The following SPOCK1 variants were observed in gnomAD, a reference collection of about 807,000 sequenced individuals.
SPOCK1 encodes the protein SPARC (osteonectin), cwcv and kazal like domains proteoglycan 1, also known as testican-1.
A neutral mutation model predicts 55.3 loss-of-function variants in SPOCK1; 23 were observed. The observed-to-expected ratio is 0.42, with a 90% CI of 0.30 to 0.59. SPOCK1 has a LOEUF of 0.59. SPOCK1 is among the 20% of genes least tolerant of loss of function. SPOCK1 has a pLI of 0.22. For synonymous variants in SPOCK1, 226 were observed against 221.0 expected, an observed-to-expected ratio of 1.02 and a Z score of -0.20; for missense variants, 499 against 552.5, an observed-to-expected ratio of 0.90 and a Z score of 0.97.
chr5:137,072,845 A>C (rs1752645859), intron 5 of SPOCK1, among the ~76,000 whole-genome samples: 1 of 152,200 alleles, frequency 6.6e-6, no homozygotes, highest in Non-Finnish European at 1.5e-5. Context: ...AATTTTGTTC[A>C]CAGTTGATGA....
intron 2 of SPOCK1, among the ~76,000 whole-genome samples, chr5:137,284,141 G>C (rs76387683): frequency 6.6e-6 from 1 of 152,286 alleles, no homozygotes; most frequent in Non-Finnish European, 1.5e-5. Flanking sequence ...TAAGTAACCT[G>C]TTCCAGGTGA....
intron 5 of SPOCK1, among the ~76,000 whole-genome samples, chr5:137,111,933 CCT>C (rs1305681668): frequency 6.6e-6 from 1 of 152,028 alleles, no homozygotes; most frequent in Non-Finnish European, 1.5e-5. Context: ...TCTGTGAATC[CCT>C]GAGGCACCCC....
chr5:137,419,992 A>G (rs1045044472), intron 2 of SPOCK1, among the ~76,000 whole-genome samples: 2 of 152,156 alleles, frequency 1.3e-5, no homozygotes, highest in African/African-American at 4.8e-5. Context: ...ATTTATTAAG[A>G]GTTTTTAGCA....
chr5:137,158,994 A>G (rs1324376082), intron 3 of SPOCK1, among the ~76,000 whole-genome samples: 1 of 152,096 alleles, frequency 6.6e-6, no homozygotes, highest in Non-Finnish European at 1.5e-5. Context: ...CTAAATCCAA[A>G]TTCTCAGTCT....
chr5:137,008,331 A>ACACAC (rs760277889), intron 6 of SPOCK1, among the ~76,000 whole-genome samples: 4,870 of 74,610 alleles, frequency 0.065, 118 homozygotes, highest in Non-Finnish European at 0.11. Context: ...CACACACACA[A>ACACAC]TCAACACAGT....
At chr5:137,413,043 TAAA>T (rs964354505) in intron 2 of SPOCK1, among the ~76,000 whole-genome samples, 8 of 152,202 alleles carry the variant, frequency 5.3e-5, no homozygotes, top group African/African-American at 1.4e-4. Flanking sequence ...TATAAAATCT[TAAA>T]AGTAATTTTT....
intron 3 of SPOCK1, among the ~76,000 whole-genome samples, chr5:137,192,352 CAT>C (rs1014087161): frequency 2.0e-5 from 3 of 151,936 alleles, no homozygotes; most frequent in African/African-American, 7.3e-5. Context: ...GCCTCACACA[CAT>C]GAAAGCCTGG....
At chr5:137,141,244 CA>C (rs1444278815) in intron 3 of SPOCK1, among the ~76,000 whole-genome samples, 2 of 152,202 alleles carry the variant, frequency 1.3e-5, no homozygotes, top group African/African-American at 4.8e-5. Context: ...GGAGTTTCAG[CA>C]TCTTCAGCTC....
intron 6 of SPOCK1, among the ~76,000 whole-genome samples, chr5:137,061,199 G>A (rs1234742592): frequency 1.3e-5 from 2 of 152,168 alleles, no homozygotes; most frequent in Admixed American, 1.3e-4. Context: ...TGGATGCAAA[G>A]ATAAATCTCT....
In SPOCK1 at chr5:137,400,192, C is replaced by T. The variant is rs935183309; in HGVS notation, c.186+98181G>A. On this transcript the variant is annotated intron_variant, in intron 2 of 10. Coordinates refer to ENST00000394945, the MANE Select transcript of SPOCK1 (RefSeq NM_004598.4). Reference sequence around the variant, plus strand: ...CGATCACTGTAGCTTCTGGCCAGCTCGAGTGATCACCAGACCATAGTGTGG... The same window carrying T: ...CGATCACTGTAGCTTCTGGCCAGCTTGAGTGATCACCAGACCATAGTGTGG... 3.9e-5 allele frequency among the ~76,000 whole-genome samples: 6 copies of T among 152,100 alleles called. No individual in the cohort carries two copies. The South Asian group carries it at 1.0e-3, about 26-fold the overall frequency.
chr5:137,108,012 T>C (rs1753399131), intron 5 of SPOCK1, among the ~76,000 whole-genome samples: 2 of 152,238 alleles, frequency 1.3e-5, no homozygotes, highest in African/African-American at 4.8e-5. Flanking sequence ...ACATGCGTCA[T>C]GGTCTCATCT....
chr5:137,386,997 A>G (rs1358399215), intron 2 of SPOCK1, among the ~76,000 whole-genome samples: 1 of 152,266 alleles, frequency 6.6e-6, no homozygotes, highest in Non-Finnish European at 1.5e-5. Flanking sequence ...AAAATAAGTC[A>G]AAGACCTTAA....
At chr5:137,263,983 A>G (rs534020453) in intron 3 of SPOCK1, among the ~76,000 whole-genome samples, 1 of 152,280 alleles carries the variant, frequency 6.6e-6, no homozygotes, top group South Asian at 2.1e-4. Flanking sequence ...AAGTTCAGTA[A>G]ATATCTTTAA....
intron 9 of SPOCK1, 78 bp from the exon 10 acceptor site, chr5:136,979,547 G>A: frequency 6.5e-7 from 1 of 1,532,888 alleles, no homozygotes; most frequent in Non-Finnish European, 8.9e-7. Context: ...ACACAGGGAA[G>A]AGGGCTCACA....
At chr5:137,370,624 T>C (rs1580890380) in intron 2 of SPOCK1, among the ~76,000 whole-genome samples, 3 of 152,234 alleles carry the variant, frequency 2.0e-5, no homozygotes, top group African/African-American at 7.2e-5. Flanking sequence ...CAGTGACACA[T>C]ATCTTTCCTG....
chr5:137,203,998 G>A (rs1331636896), intron 3 of SPOCK1, among the ~76,000 whole-genome samples: 1 of 152,044 alleles, frequency 6.6e-6, no homozygotes, highest in East Asian at 1.9e-4. Flanking sequence ...GAGTAACTCT[G>A]GATAGTGGAT....
chr5:137,243,322 C>T (rs748486854), intron 3 of SPOCK1, among the ~76,000 whole-genome samples: 4 of 152,156 alleles, frequency 2.6e-5, no homozygotes, highest in Admixed American at 6.5e-5. Flanking sequence ...CTCACCCAAA[C>T]GTTTCAAAGG....
intron 2 of SPOCK1, among the ~76,000 whole-genome samples, chr5:137,476,922 C>A (rs1753848759): frequency 1.3e-5 from 2 of 151,072 alleles, no homozygotes; most frequent in Non-Finnish European, 3.0e-5. Context: ...GAGACTCTGT[C>A]TCAAAAAAAA....
intron 3 of SPOCK1, among the ~76,000 whole-genome samples, chr5:137,218,263 T>C (rs554858407): frequency 6.6e-6 from 1 of 152,362 alleles, no homozygotes; most frequent in South Asian, 2.1e-4. Flanking sequence ...TTCGGTCTAA[T>C]GGGTTGATGG....
Sources: allele counts gnomAD v4.1 joint callset (sites outside exome capture counted in the v4.1 genomes callset), GRCh38; gene constraint gnomAD v4.1.1; transcripts MANE v1.5; gene names NCBI Gene and HGNC (gene_info 2026-07-23, HGNC 2026-07-21).